Variants in ELAPOR1 observed in about 807,000 individuals in gnomAD.
The protein encoded by ELAPOR1 is endosome-lysosome associated apoptosis and autophagy regulator 1.
In ELAPOR1, 77 loss-of-function variants were observed where a neutral mutation model predicts 119.7. The ratio of observed to expected loss-of-function variants is 0.64; its 90% CI spans 0.54 to 0.78. The LOEUF (loss-of-function observed/expected upper bound fraction) is 0.78. ELAPOR1 is among the 30% of genes least tolerant of loss of function. ELAPOR1 has a pLI of 0.00. For missense variants in ELAPOR1, 1,115 were observed against 1,270.4 expected (o/e 0.88, Z 1.86); for synonymous variants, 481 against 487.2 (o/e 0.99, Z 0.17).
chr1:109,169,128 T>C (rs12036588), intron 3 of ELAPOR1, among the ~76,000 whole-genome samples: 70,947 of 151,812 alleles, frequency 0.47, 17,600 homozygotes, highest in African/African-American at 0.65. Context: ...GCTCATGTTA[T>C]ATGTTTTCGT....
chr1:109,124,990 G>A (rs1029266081), intron 1 of ELAPOR1, among the ~76,000 whole-genome samples: 1 of 152,082 alleles, frequency 6.6e-6, no homozygotes, highest in Non-Finnish European at 1.5e-5. Flanking sequence ...CTGCAGTGGT[G>A]TAATCTCGGC....
chr1:109,115,475 T>C (rs1047989435), intron 1 of ELAPOR1, among the ~76,000 whole-genome samples: 1 of 152,222 alleles, frequency 6.6e-6, no homozygotes, highest in Non-Finnish European at 1.5e-5. Context: ...AAATGAGGTT[T>C]CGATATACTG....
intron 7 of ELAPOR1, among the ~76,000 whole-genome samples, chr1:109,183,597 C>CCTCCCTCCCTCCTTCT (rs1420582692): frequency 1.7e-4 from 2 of 12,040 alleles, no homozygotes; most frequent in East Asian, 0.071. Flanking sequence ...TCCTTCCTTC[C>CCTCCCTCCCTCCTTCT]TTCCTTCCTT....
At chr1:109,172,663 C>A in intron 5 of ELAPOR1, 95 bp downstream of exon 5, 1 of 859,078 alleles carries the variant, frequency 1.2e-6, no homozygotes, top group South Asian at 1.4e-5. Flanking sequence ...GCCTCCACCC[C>A]AATGTCCCTG....
Position 109,159,673 on chromosome 1 carries a change from C to T in ELAPOR1, c.154-2221C>T, listed in dbSNP as rs1006356019. On this transcript the variant is annotated intron_variant, in intron 1 of 21. Coordinates refer to ENST00000369939, the MANE Select transcript of ELAPOR1 (RefSeq NM_020775.5). ...CCTGGTTTCTAGCTCAGTGACTTAT[C>T]GGCTGCATGACTTTGGACAAGCTAT... Among the ~76,000 whole-genome samples, 5 of 152,104 alleles carry T rather than the reference C, an allele frequency of 3.3e-5. No individual in the cohort carries two copies. In the East Asian group the frequency reaches 5.8e-4, roughly 18 times the overall value.
Position 109,192,699 on chromosome 1 carries a change from G to C in ELAPOR1, c.1772G>C (p.Cys591Ser). 1 of 1,614,100 alleles carries C rather than the reference G, an allele frequency of 6.2e-7. No individual in the cohort carries two copies. Among genetic ancestry groups the C allele is most frequent in the Non-Finnish European group, 8.5e-7 (1 of 1,180,018 alleles). The stretch of plus-strand genomic sequence containing the variant: ...GGTGTGGCCTCCTACTGCCGTCCCT[G>C]TGCCCTAGAAGCCTCTGATGTGGGC... ...MNGVASYCRP[C>S]ALEASDVGSS... Residue 591 changes from cysteine to serine, a missense_variant, in exon 14 of 22, where the codon TGT becomes TCT. Coordinates refer to ENST00000369939, the MANE Select transcript of ELAPOR1 (RefSeq NM_020775.5).
chr1:109,170,756 A>G (rs1250126982), intron 3 of ELAPOR1, among the ~76,000 whole-genome samples: 1 of 152,216 alleles, frequency 6.6e-6, no homozygotes, highest in African/African-American at 2.4e-5. Flanking sequence ...GCTGGGCTGC[A>G]GCATGCAGAG....
chr1:109,179,629 G>A (rs1186737822), intron 7 of ELAPOR1, among the ~76,000 whole-genome samples: 1 of 151,998 alleles, frequency 6.6e-6, no homozygotes, highest in African/African-American at 2.4e-5. Context: ...ATTTTAAGAG[G>A]CCAGGCACGG....
chr1:109,139,569 T>C (rs1399203191), intron 1 of ELAPOR1, among the ~76,000 whole-genome samples: 1 of 152,128 alleles, frequency 6.6e-6, no homozygotes, highest in Non-Finnish European at 1.5e-5. Context: ...GGGGTTCCTT[T>C]AAATTAGCTT....
intron 1 of ELAPOR1, among the ~76,000 whole-genome samples, chr1:109,114,914 C>T (rs1025204589): frequency 1.3e-5 from 2 of 152,090 alleles, no homozygotes; most frequent in Non-Finnish European, 2.9e-5. Flanking sequence ...CTCCTTATAG[C>T]TTGGCCTCCC....
At chr1:109,173,954 C>A in intron 7 of ELAPOR1, 117 bp downstream of exon 7, 4 of 1,088,762 alleles carry the variant, frequency 3.7e-6, no homozygotes, top group East Asian at 2.4e-5. Flanking sequence ...AATTCTTAAA[C>A]CCTTCCTTTC....
chr1:109,128,950 A>G (rs1003398821), intron 1 of ELAPOR1, among the ~76,000 whole-genome samples: 4 of 152,240 alleles, frequency 2.6e-5, no homozygotes, highest in Non-Finnish European at 5.9e-5. Context: ...TTAGACTGAG[A>G]ACCTGAGCCC....
chr1:109,154,527 C>G (rs550541060), intron 1 of ELAPOR1, among the ~76,000 whole-genome samples: 6 of 152,292 alleles, frequency 3.9e-5, no homozygotes, highest in Non-Finnish European at 5.9e-5. Flanking sequence ...CACTAGCCCT[C>G]GTATCCCCTG....
intron 2 of ELAPOR1, among the ~76,000 whole-genome samples, chr1:109,162,586 G>A (rs1386666312): frequency 6.6e-6 from 1 of 152,142 alleles, no homozygotes; most frequent in Admixed American, 6.5e-5. Context: ...TTCTACAATT[G>A]GCAGCTGTTT....
At chr1:109,191,535 T>C (rs606066) in intron 12 of ELAPOR1, 64 bp downstream of exon 12, 1,114,964 of 1,462,210 alleles carry the variant, frequency 0.76, 430,885 homozygotes, top group East Asian at 1. Context: ...ATCTGCCCCA[T>C]TGGTGTGTCC....
chr1:109,124,030 T>C (rs1648617434), intron 1 of ELAPOR1, among the ~76,000 whole-genome samples: 1 of 152,170 alleles, frequency 6.6e-6, no homozygotes, highest in African/African-American at 2.4e-5. Flanking sequence ...CTCCAATTCC[T>C]GACCTCAGGT....
In ELAPOR1 at chr1:109,206,537, CTT is replaced by C. The variant is rs1234248734; in HGVS notation, c.*3528_*3529del. The C allele has an allele frequency of 1.3e-5, 2 of 152,066 alleles. No individual in the cohort carries two copies. The highest frequency in any genetic ancestry group is 2.9e-5 in the Non-Finnish European group (2 of 67,998). 9.4% of individuals were successfully genotyped at this position (152,066 alleles called of 1,614,324 possible). ...GTGTATTCAAGCAGTAGGGTTTTTG[CTT>C]TTGTTTTTGTTTTAGTGCCAACAAA... On this transcript the variant is annotated 3_prime_UTR_variant, in exon 22 of 22. Coordinates refer to ENST00000369939, the MANE Select transcript of ELAPOR1 (RefSeq NM_020775.5).
chr1:109,126,535 A>G (rs1405498950), intron 1 of ELAPOR1, among the ~76,000 whole-genome samples: 1 of 152,094 alleles, frequency 6.6e-6, no homozygotes, highest in African/African-American at 2.4e-5. Context: ...CAGTGATGCA[A>G]TCTCAGCTGG....
chr1:109,114,477 G>T (rs1647851196), intron 1 of ELAPOR1, 141 bp downstream of exon 1: 1 of 1,004,398 alleles, frequency 1.0e-6, no homozygotes, highest in African/African-American at 1.7e-5. Flanking sequence ...GGGGAGGGAA[G>T]AGGAGCCAGT....
Sources: allele counts gnomAD v4.1 joint callset (sites outside exome capture counted in the v4.1 genomes callset), GRCh38; gene constraint gnomAD v4.1.1; transcripts MANE v1.5; gene names NCBI Gene and HGNC (gene_info 2026-07-23, HGNC 2026-07-21).